ISLR2: variants seen among roughly 807,000 people sequenced by gnomAD.
The protein encoded by ISLR2 is immunoglobulin superfamily containing leucine-rich repeat protein 2.
Under a neutral mutation model 25.5 loss-of-function variants are expected in ISLR2, and 16 were observed. That is an observed-to-expected ratio of 0.63 (90% CI 0.43 to 0.95). The LOEUF (loss-of-function observed/expected upper bound fraction) is 0.95, where lower values mean the gene tolerates loss of function less well. Among genes scored for constraint, ISLR2 ranks in the 40% least tolerant of loss-of-function variants. The pLI, the probability that ISLR2 is intolerant of heterozygous loss-of-function variation, is 0.00. For missense variants in ISLR2, 883 were observed against 1,030.7 expected (o/e 0.86, Z 1.96); for synonymous variants, 508 against 486.6 (o/e 1.04, Z -0.58).
At chr15:74,123,028 C>G (rs991044178) in intron 2 of ISLR2, among the ~76,000 whole-genome samples, 1 of 152,170 alleles carries the variant, frequency 6.6e-6, no homozygotes, top group African/African-American at 2.4e-5. Flanking sequence ...CTTGTTCTTT[C>G]CTGGTCAATG....
downstream of ISLR2, among the ~76,000 whole-genome samples, chr15:74,138,874 A>G (rs1192878528): frequency 6.6e-6 from 1 of 152,192 alleles, no homozygotes; most frequent in Non-Finnish European, 1.5e-5. Flanking sequence ...CCCAATTCCT[A>G]GGGCCTGTTT....
intron 2 of ISLR2, among the ~76,000 whole-genome samples, chr15:74,107,694 C>A (rs1328628401): frequency 6.6e-6 from 1 of 152,220 alleles, no homozygotes; most frequent in Non-Finnish European, 1.5e-5. Context: ...AAAAACCCTC[C>A]ACGTCCTTGG....
rs1205478327 is a variant in ISLR2, at chr15:74,135,134, A to C, written c.*142A>C. The C allele has an allele frequency of 9.8e-7, 1 of 1,021,338 alleles. No homozygotes were observed. 63.3% of individuals were successfully genotyped at this position (1,021,338 alleles called of 1,614,324 possible). On this transcript the variant is annotated 3_prime_UTR_variant, in exon 3 of 3. Transcript: ENST00000453268. ...TTACTACTCCCCAACCTTGACTACCAGGGACTTCTATTAGGGAGTGGGCCG... is the reference window on the plus strand; with the variant it reads ...TTACTACTCCCCAACCTTGACTACCCGGGACTTCTATTAGGGAGTGGGCCG...
Position 74,120,649 on chromosome 15 carries a change from G to A in ISLR2, n.229-10558G>A, listed in dbSNP as rs551973270. On this transcript the variant is annotated intron_variant and non_coding_transcript_variant, in intron 2 of 3. Coordinates refer to the ISLR2 transcript ENST00000561975. ...GGGAACAGGGAGCTGTGTGTGTGTG[G>A]AAGTTAAAAGATAGGCTTTGGAGGG... is the stretch of plus-strand genomic sequence containing the variant. Among the ~76,000 whole-genome samples, 231 of 152,154 alleles carry A rather than the reference G, an allele frequency of 1.5e-3. 7 individuals carry two copies. In the South Asian group the frequency reaches 0.047, roughly 31 times the overall value.
intron 2 of ISLR2, among the ~76,000 whole-genome samples, chr15:74,106,354 G>A (rs761654205): frequency 1.3e-5 from 2 of 152,134 alleles, no homozygotes; most frequent in Non-Finnish European, 2.9e-5. Context: ...TCTCTGTTGG[G>A]TTTCAGATCC....
At chr15:74,106,675 G>A (rs2072122782) in intron 2 of ISLR2, among the ~76,000 whole-genome samples, 1 of 152,120 alleles carries the variant, frequency 6.6e-6, no homozygotes, top group African/African-American at 2.4e-5. Flanking sequence ...GGTTCTGAGA[G>A]GTTAAATGAC....
chr15:74,134,038 C>A lies in ISLR2; in HGVS notation c.1284C>A (p.Leu428=). The A allele has an allele frequency of 6.2e-7, 1 of 1,613,522 alleles. No homozygotes were observed. Among genetic ancestry groups the A allele is most frequent in the East Asian group, 2.2e-5 (1 of 44,854 alleles). ...AAGGCCTGGCCAAGGTCAGCATTCT[C>A]GGGGAGACCGAGACGGAGCCGGAGG... ...KGQGLAKVSI[L]GETETEPEED... Residue 428 remains leucine (L), a synonymous_variant, in exon 3 of 3, where the codon CTC becomes CTA. Transcript: ENST00000453268.
chr15:74,130,383 C>T (rs1051678452), upstream of ISLR2: 1 of 152,120 alleles, frequency 6.6e-6, no homozygotes. Flanking sequence ...GAAGGGTCCG[C>T]GCGAGCTCGG....
chr15:74,123,597 GC>G (rs753705926), upstream of ISLR2, among the ~76,000 whole-genome samples: 112 of 152,294 alleles, frequency 7.4e-4, no homozygotes, highest in Admixed American at 1.2e-3. Flanking sequence ...ACTTTGCACT[GC>G]CCCACATTTT....
intron 2 of ISLR2, among the ~76,000 whole-genome samples, chr15:74,117,328 A>C (rs984361833): frequency 2.6e-5 from 4 of 152,308 alleles, no homozygotes; most frequent in African/African-American, 9.6e-5. Context: ...ACTGGGTAGG[A>C]AATTGCAATT....
chr15:74,119,505 C>CTTGT (rs1270233249), intron 2 of ISLR2, among the ~76,000 whole-genome samples: 1 of 152,190 alleles, frequency 6.6e-6, no homozygotes, highest in Non-Finnish European at 1.5e-5. Flanking sequence ...GCCATGTACT[C>CTTGT]TTGTATCTGT....
At chr15:74,100,733 AG>A (rs1186780941) in intron 1 of ISLR2, among the ~76,000 whole-genome samples, 1 of 142,858 alleles carries the variant, frequency 7.0e-6, no homozygotes, top group African/African-American at 2.6e-5. Context: ...GGAAATAACC[AG>A]GTAACTTCTT....
Position 74,136,299 on chromosome 15 carries a change from T to A in ISLR2, c.*1307T>A, listed in dbSNP as rs2072564218. 6.0e-6 allele frequency: 1 copy of A among 165,452 alleles called. No individual in the cohort carries two copies. The highest frequency in any genetic ancestry group is 2.1e-4 in the South Asian group (1 of 4,836). 10.2% of individuals were successfully genotyped at this position (165,452 alleles called of 1,614,324 possible). Reference sequence around the variant, plus strand: ...CGCCGGAGGCGGAGGAAGCTGACTGTGGCCTCCCGGGCCGCGGCTCTCTGG... The same window carrying A: ...CGCCGGAGGCGGAGGAAGCTGACTGAGGCCTCCCGGGCCGCGGCTCTCTGG... On this transcript the variant is annotated 3_prime_UTR_variant, in exon 3 of 3. Transcript: ENST00000453268.
At chr15:74,130,335 TC>T (rs1404531911), upstream of ISLR2, 2 of 151,446 alleles carry the variant, frequency 1.3e-5, no homozygotes, top group Admixed American at 1.3e-4. Context: ...GAACGTGGCT[TC>T]GGGGAGGAGG....
At chr15:74,109,668 G>T (rs967433575) in intron 2 of ISLR2, among the ~76,000 whole-genome samples, 13 of 152,324 alleles carry the variant, frequency 8.5e-5, no homozygotes, top group Non-Finnish European at 1.8e-4. Flanking sequence ...CGCCTCAGAG[G>T]TTCTGATTCA....
upstream of ISLR2, chr15:74,126,602 C>T (rs2072300219): frequency 6.6e-6 from 1 of 152,132 alleles, no homozygotes; most frequent in East Asian, 1.9e-4. Context: ...GCCTGGGCCT[C>T]CCAAAGTGCT....
intron 2 of ISLR2, among the ~76,000 whole-genome samples, chr15:74,118,643 G>GCTA (rs2072229597): frequency 8.8e-6 from 1 of 113,874 alleles, no homozygotes; most frequent in Non-Finnish European, 2.1e-5. Flanking sequence ...AAAATCTGAA[G>GCTA]CTATTATTAT....
chr15:74,133,554 C>A lies in ISLR2; in HGVS notation c.800C>A (p.Thr267Lys), dbSNP rs754331203. 4 of 1,614,040 alleles carry A rather than the reference C, an allele frequency of 2.5e-6. No homozygotes were observed. Among genetic ancestry groups the A allele is most frequent in the Non-Finnish European group, 3.4e-6 (4 of 1,180,010 alleles). The part of the protein sequence containing the change: ...VLHCIADGHP[T>K]PRLQWQLQIP... Reference sequence around the variant, plus strand: ...CACTGCATCGCCGACGGCCACCCTACGCCTCGCCTGCAATGGCAACTTCAG... The same window carrying A: ...CACTGCATCGCCGACGGCCACCCTAAGCCTCGCCTGCAATGGCAACTTCAG... The change falls in exon 3 of 3, where the codon ACG becomes AAG. Residue 267 changes from threonine (T) to lysine (K), a missense_variant. Physicochemically the swap from Thr to Lys is moderately conservative, Grantham distance 78. Around this residue, in one of 2 missense-constraint regions of ISLR2, gnomAD observed 271 missense variants for 387.9 expected, o/e 0.70. Coordinates refer to ENST00000453268, the MANE Select transcript of ISLR2 (RefSeq NM_020851.3).
chr15:74,123,188 G>T (rs548159708), upstream of ISLR2, among the ~76,000 whole-genome samples: 2 of 152,278 alleles, frequency 1.3e-5, no homozygotes, highest in East Asian at 1.9e-4. Context: ...ACAGCAGTTT[G>T]GGGGAGGGGC....
Sources: gnomAD v4.1 joint callset for allele counts (sites outside exome capture counted in the v4.1 genomes callset) on GRCh38, gnomAD v4.1.1 for gene constraint, gnomAD v4.1.1 regional missense constraint, MANE v1.5 for transcripts, NCBI Gene and HGNC (gene_info 2026-07-23, HGNC 2026-07-21) for gene names.